FIP1L1: variants seen among roughly 807,000 people sequenced by gnomAD.
FIP1L1 encodes pre-mRNA 3'-end-processing factor FIP1.
Under a neutral mutation model 84.6 loss-of-function variants are expected in FIP1L1, and 21 were observed. The observed-to-expected ratio is 0.25, with a 90% CI of 0.18 to 0.36. FIP1L1 has a LOEUF of 0.36. Ranked by LOEUF, FIP1L1 falls within the 10% of genes least tolerant of loss-of-function variation. The pLI is 1.00. For missense variants in FIP1L1, 526 were observed against 751.1 expected, an observed-to-expected ratio of 0.70 and a Z score of 3.50; for synonymous variants, 263 against 242.3, an observed-to-expected ratio of 1.09 and a Z score of -0.80.
chr4:53,395,681 T>C (rs1746845124), intron 9 of FIP1L1, among the ~76,000 whole-genome samples: 1 of 152,196 alleles, frequency 6.6e-6, no homozygotes, highest in Non-Finnish European at 1.5e-5. Flanking sequence ...TGAGTACTTA[T>C]TGCATGCCAG....
intron 11 of FIP1L1, among the ~76,000 whole-genome samples, chr4:53,420,760 G>A (rs1762094128): frequency 6.6e-6 from 1 of 152,008 alleles, no homozygotes; most frequent in Non-Finnish European, 1.5e-5. Context: ...ATGTTGCCCG[G>A]GCTGATCTCG....
At chr4:53,420,429 C>CA (rs35693633) in intron 11 of FIP1L1, among the ~76,000 whole-genome samples, 53,809 of 91,084 alleles carry the variant, frequency 0.59, 15,685 homozygotes, top group Non-Finnish European at 0.69. Context: ...AACTCCATCT[C>CA]AAAAAAAAAA....
intron 16 of FIP1L1, among the ~76,000 whole-genome samples, chr4:53,458,124 C>G (rs1472013706): frequency 6.6e-6 from 1 of 152,068 alleles, no homozygotes; most frequent in Non-Finnish European, 1.5e-5. Context: ...TTATACTTCT[C>G]TATTTGATGA....
chr4:53,420,882 A>AT (rs1263789705), intron 11 of FIP1L1, among the ~76,000 whole-genome samples: 1 of 152,136 alleles, frequency 6.6e-6, no homozygotes, highest in Non-Finnish European at 1.5e-5. Flanking sequence ...ATAAATATTA[A>AT]TTTTTTATGA....
At chr4:53,433,652 T>C (rs1233935567) in intron 13 of FIP1L1, among the ~76,000 whole-genome samples, 1 of 152,188 alleles carries the variant, frequency 6.6e-6, no homozygotes, top group Non-Finnish European at 1.5e-5. Flanking sequence ...TGTAGCCCAG[T>C]AGTGGAATTC....
At chr4:53,406,191 A>G (rs1374356674) in intron 10 of FIP1L1, among the ~76,000 whole-genome samples, 1 of 151,408 alleles carries the variant, frequency 6.6e-6, no homozygotes, top group African/African-American at 2.4e-5. Context: ...CTATTTACAT[A>G]CCTAATTTAT....
intron 11 of FIP1L1, among the ~76,000 whole-genome samples, chr4:53,420,703 G>A (rs1476556620): frequency 6.6e-6 from 1 of 151,992 alleles, no homozygotes; most frequent in African/African-American, 2.4e-5. Flanking sequence ...GCTTGTGGAA[G>A]TAAAACGTAC....
chr4:53,434,532 C>T (rs1768210573), intron 13 of FIP1L1, among the ~76,000 whole-genome samples: 1 of 150,540 alleles, frequency 6.6e-6, no homozygotes, highest in East Asian at 1.9e-4. Flanking sequence ...AGTACAGTGG[C>T]ACTATCTCAG....
chr4:53,451,704 T>A (rs1337922933), intron 15 of FIP1L1, among the ~76,000 whole-genome samples: 1 of 152,106 alleles, frequency 6.6e-6, no homozygotes, highest in African/African-American at 2.4e-5. Flanking sequence ...TTCTAACTTA[T>A]ATCCTATTGT....
At chr4:53,378,156 G>A in intron 1 of FIP1L1, 1 of 407,690 alleles carries the variant, frequency 2.5e-6, no homozygotes, top group Admixed American at 4.5e-5. Context: ...GGGCCGGGCT[G>A]GGGGGCTGTG....
intron 10 of FIP1L1, among the ~76,000 whole-genome samples, chr4:53,404,873 A>C (rs972200127): frequency 2.4e-4 from 36 of 151,016 alleles, no homozygotes; most frequent in African/African-American, 5.8e-4. Context: ...TTTTCTTGTA[A>C]ATTTGTTTGA....
chr4:53,454,951 G>C (rs1718143840), intron 16 of FIP1L1, among the ~76,000 whole-genome samples: 1 of 152,164 alleles, frequency 6.6e-6, no homozygotes, highest in South Asian at 2.1e-4. Flanking sequence ...TGGATAGCTT[G>C]GTGTAGCTTC....
chr4:53,391,228 A>G (rs1744096160), intron 8 of FIP1L1, 89 bp downstream of exon 8: 2 of 1,406,518 alleles, frequency 1.4e-6, no homozygotes, highest in Non-Finnish European at 1.9e-6. Flanking sequence ...AAAAGTGGTT[A>G]AATGCTATAT....
At chr4:53,429,044 T>A (rs1159188003) in intron 13 of FIP1L1, among the ~76,000 whole-genome samples, 1 of 152,222 alleles carries the variant, frequency 6.6e-6, no homozygotes, top group Non-Finnish European at 1.5e-5. Context: ...TGTCTTTGTT[T>A]TAAGGTGCCA....
intron 11 of FIP1L1, among the ~76,000 whole-genome samples, chr4:53,419,832 G>A (rs1306359661): frequency 1.3e-5 from 2 of 152,076 alleles, no homozygotes; most frequent in East Asian, 3.9e-4. Flanking sequence ...AGATAAATCA[G>A]CCAGGCGCAA....
Position 53,444,042 on chromosome 4 carries a change from C to G in FIP1L1, c.1230-6C>G. On this transcript the variant is annotated splice_polypyrimidine_tract_variant and splice_region_variant and intron_variant, in intron 14 of 17. Transcript: ENST00000337488. ...AGACATAAAAATATATCTTTTTCTT[C>G]AACAGTGGACATTCCTCTGGTTATG... 1 of 1,595,262 alleles carries G rather than the reference C, an allele frequency of 6.3e-7. No homozygotes were observed. The highest frequency in any genetic ancestry group is 8.6e-7 in the Non-Finnish European group (1 of 1,164,660).
rs570888513 is a variant in FIP1L1, at chr4:53,387,288, T to A, written c.333-2521T>A. Among the ~76,000 whole-genome samples, 4 of 152,310 alleles carry A rather than the reference T, an allele frequency of 2.6e-5. No individual in the cohort carries two copies. The East Asian group carries it at 7.7e-4, about 29-fold the overall frequency. On this transcript the variant is annotated intron_variant, in intron 5 of 17. Transcript: ENST00000337488. ...GGCCAGCCTGGGCAATATAGTAAGATCCTGTCTCAAAGAATAAATAGAAAC... is the reference window on the plus strand; with the variant it reads ...GGCCAGCCTGGGCAATATAGTAAGAACCTGTCTCAAAGAATAAATAGAAAC...
intron 9 of FIP1L1, among the ~76,000 whole-genome samples, chr4:53,395,787 T>G (rs1746924133): frequency 1.3e-5 from 2 of 152,118 alleles, no homozygotes; most frequent in Non-Finnish European, 2.9e-5. Context: ...TTTTTCTGAT[T>G]TCTTATTTAT....
intron 13 of FIP1L1, among the ~76,000 whole-genome samples, chr4:53,436,313 CCTGA>C (rs1474705250): frequency 6.6e-6 from 1 of 152,306 alleles, no homozygotes; most frequent in East Asian, 1.9e-4. Flanking sequence ...TCTCCAAAAG[CCTGA>C]CTAAGGAAGT....
Sources: allele counts gnomAD v4.1 joint callset (sites outside exome capture counted in the v4.1 genomes callset), GRCh38; gene constraint gnomAD v4.1.1; transcripts MANE v1.5; gene names NCBI Gene and HGNC (gene_info 2026-07-23, HGNC 2026-07-21).